The following FAM13A variants were observed in gnomAD, a reference collection of about 807,000 sequenced individuals.
The protein encoded by FAM13A is protein FAM13A.
In FAM13A, 76 loss-of-function variants were observed where a neutral mutation model predicts 129.6. That is an observed-to-expected ratio of 0.59 (90% CI 0.49 to 0.71). The LOEUF (loss-of-function observed/expected upper bound fraction) is 0.71, where lower values mean the gene tolerates loss of function less well. FAM13A is among the 30% of genes least tolerant of loss of function. The pLI is 0.00. For synonymous variants in FAM13A, 443 were observed against 449.9 expected (o/e 0.98, Z 0.20); for missense variants, 1,108 against 1,249.3 (o/e 0.89, Z 1.70).
intron 5 of FAM13A, among the ~76,000 whole-genome samples, chr4:88,913,171 AGAG>A (rs1749404005): frequency 1.5e-5 from 2 of 136,742 alleles, no homozygotes; most frequent in African/African-American, 2.8e-5. Flanking sequence ...AGGAAGAAGA[AGAG>A]GAAGAAGTGG....
At chr4:89,020,309 G>T (rs186059239) in intron 3 of FAM13A, 151 bp downstream of exon 3, 6,290 of 433,322 alleles carry the variant, frequency 0.015, 98 homozygotes, top group Middle Eastern at 0.031. Flanking sequence ...AGAGATGGGG[G>T]TCTTGCTTGG....
At chr4:88,961,567 C>T (rs1758624186) in intron 4 of FAM13A, among the ~76,000 whole-genome samples, 1 of 151,766 alleles carries the variant, frequency 6.6e-6, no homozygotes, top group Non-Finnish European at 1.5e-5. Flanking sequence ...CGGGTTTTTG[C>T]CATGTTGGCC....
At chr4:88,983,082 TG>T (rs566553975) in intron 4 of FAM13A, among the ~76,000 whole-genome samples, 245 of 152,310 alleles carry the variant, frequency 1.6e-3, no homozygotes, top group Non-Finnish European at 2.6e-3. Flanking sequence ...TGTTACAACT[TG>T]ATGGCAGTTC....
chr4:89,025,485 C>T (rs909221262), intron 2 of FAM13A, among the ~76,000 whole-genome samples: 9 of 151,098 alleles, frequency 6.0e-5, no homozygotes, highest in African/African-American at 2.2e-4. Flanking sequence ...AGGATGGTCT[C>T]GATCTCCTGA....
At chr4:88,930,717 G>T (rs1275643634) in intron 5 of FAM13A, among the ~76,000 whole-genome samples, 1 of 152,130 alleles carries the variant, frequency 6.6e-6, no homozygotes, top group Non-Finnish European at 1.5e-5. Context: ...TGGGCTACAT[G>T]TGTGAGTGGG....
intron 5 of FAM13A, among the ~76,000 whole-genome samples, chr4:88,925,954 C>T (rs1345034706): frequency 6.6e-6 from 1 of 151,878 alleles, no homozygotes; most frequent in African/African-American, 2.4e-5. Flanking sequence ...CAGTTGGACC[C>T]GCACCAACTT....
chr4:88,971,643 A>T (rs1457632666), intron 4 of FAM13A, among the ~76,000 whole-genome samples: 2 of 152,044 alleles, frequency 1.3e-5, no homozygotes, highest in African/African-American at 4.8e-5. Flanking sequence ...AGTAGCTGGG[A>T]CTATAAGAAC....
intron 7 of FAM13A, among the ~76,000 whole-genome samples, chr4:88,815,821 T>TGTTTTTTCTTTGC (rs1324535587): frequency 6.6e-6 from 1 of 152,142 alleles, no homozygotes; most frequent in African/African-American, 2.4e-5. Context: ...TTAGAAAAAT[T>TGTTTTTTCTTTGC]AAAGAAGGCT....
At chr4:88,924,024 C>G (rs2148732615) in intron 5 of FAM13A, among the ~76,000 whole-genome samples, 1 of 152,234 alleles carries the variant, frequency 6.6e-6, no homozygotes, top group South Asian at 2.1e-4. Flanking sequence ...TCAAAGAGAA[C>G]TACAAACCAC....
intron 5 of FAM13A, among the ~76,000 whole-genome samples, chr4:88,924,031 C>G (rs1447646200): frequency 1.3e-5 from 2 of 152,102 alleles, no homozygotes; most frequent in African/African-American, 4.8e-5. Context: ...GAACTACAAA[C>G]CACTGCTCAA....
chr4:88,985,049 C>G (rs72665854), intron 4 of FAM13A, among the ~76,000 whole-genome samples: 1,835 of 152,254 alleles, frequency 0.012, 43 homozygotes, highest in African/African-American at 0.041. Flanking sequence ...TACCCACCAA[C>G]TAATGAGTTG....
In FAM13A at chr4:88,760,489, G is replaced by A. The variant is rs1292744804; in HGVS notation, c.1579-1588C>T. ...CGTGGTGGCGGGCGCCTGTGGTCCC[G>A]GCTACTCGGGAGGCTGAGGCAGGAG... On this transcript the variant is annotated intron_variant, in intron 13 of 23. Coordinates refer to ENST00000264344, the MANE Select transcript of FAM13A (RefSeq NM_014883.4). Among the ~76,000 whole-genome samples the A allele has an allele frequency of 2.5e-4, 19 of 75,368 alleles. 8 individuals carry two copies. Among genetic ancestry groups the A allele is most frequent in the Non-Finnish European group, 5.7e-4 (15 of 26,226 alleles). The allele number at this position is 75,368 out of a possible 152,430, so 49.4% of individuals were successfully genotyped here.
At chr4:89,026,323 T>C (rs955878520) in intron 2 of FAM13A, among the ~76,000 whole-genome samples, 4 of 152,264 alleles carry the variant, frequency 2.6e-5, no homozygotes, top group Non-Finnish European at 4.4e-5. Flanking sequence ...TGTATTTAAC[T>C]GTTTGAAGCA....
At chr4:88,998,611 A>G (rs139982310) in intron 3 of FAM13A, among the ~76,000 whole-genome samples, 1 of 152,212 alleles carries the variant, frequency 6.6e-6, no homozygotes, top group Non-Finnish European at 1.5e-5. Flanking sequence ...CTTGTGGAGA[A>G]ATAAAATTTT....
chr4:88,853,863 GCCTC>G (rs1738035317), intron 6 of FAM13A, among the ~76,000 whole-genome samples: 1 of 152,194 alleles, frequency 6.6e-6, no homozygotes, highest in Non-Finnish European at 1.5e-5. Context: ...GAGTGTTCAA[GCCTC>G]CATCTTTCTC....
chr4:88,914,680 A>G (rs1749787592), intron 5 of FAM13A, among the ~76,000 whole-genome samples: 1 of 152,178 alleles, frequency 6.6e-6, no homozygotes, highest in Non-Finnish European at 1.5e-5. Flanking sequence ...ATCTTCAACC[A>G]CAGTACTTAC....
chr4:88,985,241 C>T lies in FAM13A; in HGVS notation c.605+5732G>A, dbSNP rs73847221. On this transcript the variant is annotated intron_variant, in intron 4 of 23. Coordinates refer to ENST00000264344, the MANE Select transcript of FAM13A (RefSeq NM_014883.4). ...TATATGAAATGTCCAGAATAGGCAA[C>T]TCTCTAGACACAGAAAGTAGATGAG... 2.9e-3 allele frequency among the ~76,000 whole-genome samples: 440 copies of T among 152,270 alleles called. 1 individual carries two copies. Among genetic ancestry groups the T allele is most frequent in the African/African-American group, 1.0e-2 (414 of 41,550 alleles).
intron 6 of FAM13A, 148 bp downstream of exon 6, chr4:88,906,231 T>C: frequency 1.7e-6 from 1 of 592,046 alleles, no homozygotes; most frequent in South Asian, 1.9e-5. Context: ...GAGGTTGCAG[T>C]GAGCTGAGAT....
At chr4:88,941,557 G>A (rs1754760899) in intron 4 of FAM13A, among the ~76,000 whole-genome samples, 1 of 152,172 alleles carries the variant, frequency 6.6e-6, no homozygotes, top group Non-Finnish European at 1.5e-5. Flanking sequence ...AACTAAATTT[G>A]TTGTAATTTT....
Sources: gnomAD v4.1 joint callset for allele counts (sites outside exome capture counted in the v4.1 genomes callset) on GRCh38, gnomAD v4.1.1 for gene constraint, MANE v1.5 for transcripts, NCBI Gene and HGNC (gene_info 2026-07-23, HGNC 2026-07-21) for gene names.